The following PPP1R12A variants were observed in gnomAD, a reference collection of about 807,000 sequenced individuals.
PPP1R12A encodes myosin binding subunit.
PPP1R12A carries 19 observed loss-of-function variants against 139.6 expected under a neutral mutation model. The ratio of observed to expected loss-of-function variants is 0.14; its 90% CI spans 0.09 to 0.20. The LOEUF (loss-of-function observed/expected upper bound fraction) is 0.20. PPP1R12A is among the 10% of genes least tolerant of loss of function. PPP1R12A has a pLI of 1.00. For synonymous variants in PPP1R12A, 427 were observed against 420.6 expected, an observed-to-expected ratio of 1.02 and a Z score of -0.19; for missense variants, 925 against 1,211.5, an observed-to-expected ratio of 0.76 and a Z score of 3.51.
At chr12:79,923,626 T>A (rs976080695) in intron 1 of PPP1R12A, among the ~76,000 whole-genome samples, 3 of 152,268 alleles carry the variant, frequency 2.0e-5, no homozygotes, top group Non-Finnish European at 4.4e-5. Context: ...GATAACATTT[T>A]ATTTTTTACA....
intron 23 of PPP1R12A, chr12:79,780,312 A>C (rs1052650873): frequency 1.3e-5 from 2 of 152,140 alleles, no homozygotes; most frequent in Middle Eastern, 3.2e-3. Context: ...TATACAGAGA[A>C]TGATGAATAA....
chr12:79,861,506 G>T (rs948301212), intron 2 of PPP1R12A, among the ~76,000 whole-genome samples: 7 of 152,210 alleles, frequency 4.6e-5, no homozygotes, highest in South Asian at 2.1e-4. Flanking sequence ...GCAGGGCGGG[G>T]TGTTGCCTCA....
chr12:79,902,518 C>T (rs1178791545), intron 1 of PPP1R12A, among the ~76,000 whole-genome samples: 1 of 151,948 alleles, frequency 6.6e-6, no homozygotes, highest in Non-Finnish European at 1.5e-5. Context: ...ACCTCATAGA[C>T]AAGTTACCAG....
chr12:79,866,017 C>T (rs1345129523), intron 2 of PPP1R12A, among the ~76,000 whole-genome samples: 1 of 152,154 alleles, frequency 6.6e-6, no homozygotes, highest in Non-Finnish European at 1.5e-5. Context: ...CCAAGACAAT[C>T]CTGGGCAAGA....
intron 14 of PPP1R12A, among the ~76,000 whole-genome samples, chr12:79,799,780 C>T (rs1278992451): frequency 6.6e-6 from 1 of 152,000 alleles, no homozygotes; most frequent in Non-Finnish European, 1.5e-5. Flanking sequence ...AAGGCTGAAG[C>T]AGGCTGATTG....
chr12:79,917,556 C>T (rs1887100403), intron 1 of PPP1R12A, among the ~76,000 whole-genome samples: 1 of 150,010 alleles, frequency 6.7e-6, no homozygotes, highest in Non-Finnish European at 1.5e-5. Context: ...TGAAACAAAT[C>T]TGCTGATGCT....
chr12:79,890,734 T>C (rs1204508925), intron 1 of PPP1R12A, among the ~76,000 whole-genome samples: 3 of 152,030 alleles, frequency 2.0e-5, no homozygotes, highest in Non-Finnish European at 4.4e-5. Flanking sequence ...AAAACCGTTT[T>C]AAAAGAGAGC....
chr12:79,807,967 T>C (rs1565750851), intron 11 of PPP1R12A, among the ~76,000 whole-genome samples: 2 of 151,448 alleles, frequency 1.3e-5, no homozygotes, highest in Admixed American at 6.6e-5. Flanking sequence ...ACCTGAGAGG[T>C]GGAGGTTGCA....
rs1877044126 is a variant in PPP1R12A at position 79,828,442 on chromosome 12, C to T, written c.670G>A (p.Asp224Asn). The change falls in exon 5 of 25, where the codon GAT becomes AAT. Residue 224 changes from aspartate (D) to asparagine (N), a missense_variant. Asp to Asn is a conservative substitution (Grantham distance 23). This residue lies in a region of PPP1R12A where 199 missense variants were observed against 352.4 expected (regional missense o/e 0.56). Coordinates refer to ENST00000450142, the MANE Select transcript of PPP1R12A (RefSeq NM_002480.3). ...VLKLLIQAGY[D>N]VNIKDYDGWT... ...CCATCATAGTCTTTAATATTAACAT[C>T]ATAGCCTGCCTGTATTAAAAGTCTA... 6.2e-7 allele frequency: 1 copy of T among 1,604,838 alleles called. No individual in the cohort carries two copies. Among genetic ancestry groups the T allele is most frequent in the Non-Finnish European group, 8.5e-7 (1 of 1,173,880 alleles).
chr12:79,926,757 A>G (rs1887873036), intron 1 of PPP1R12A, among the ~76,000 whole-genome samples: 1 of 152,100 alleles, frequency 6.6e-6, no homozygotes, highest in East Asian at 1.9e-4. Flanking sequence ...AAAAAGAATC[A>G]AAGTCCCTAC....
intron 5 of PPP1R12A, among the ~76,000 whole-genome samples, chr12:79,826,845 T>C (rs1257522813): frequency 6.6e-6 from 1 of 152,206 alleles, no homozygotes; most frequent in Non-Finnish European, 1.5e-5. Context: ...TTTCAATTAA[T>C]AAGCTTCTCT....
chr12:79,821,903 TCATTTTGAGAAGG>T (rs1341294779), intron 6 of PPP1R12A, among the ~76,000 whole-genome samples, 200 bp downstream of exon 6: 2 of 152,164 alleles, frequency 1.3e-5, no homozygotes, highest in Non-Finnish European at 2.9e-5. Context: ...ATATGAGTAT[TCATTTTGAGAAGG>T]GGAGGAAATA....
intron 22 of PPP1R12A, 188 bp from the exon 23 acceptor site, chr12:79,782,050 A>G: frequency 2.6e-6 from 1 of 385,426 alleles, no homozygotes; most frequent in Non-Finnish European, 4.7e-6. Context: ...GTTTAGAAAT[A>G]GAATGGTAAC....
At chr12:79,890,812 T>C (rs986971376) in intron 1 of PPP1R12A, among the ~76,000 whole-genome samples, 2 of 151,538 alleles carry the variant, frequency 1.3e-5, no homozygotes, top group Non-Finnish European at 2.9e-5. Context: ...ATTTCTAATA[T>C]TAACTCTCTA....
chr12:79,867,083 A>G lies in PPP1R12A; in HGVS notation c.368+5725T>C, dbSNP rs551957854. Among the ~76,000 whole-genome samples the G allele has an allele frequency of 7.2e-5, 11 of 152,324 alleles. No homozygotes were observed. In the East Asian group the frequency reaches 9.6e-4, roughly 13 times the overall value. ...TTGCAACCAACCAAAATGCCCATCA[A>G]TGACAGACTGGGTTAAGCAAACGTG... On this transcript the variant is annotated intron_variant, in intron 2 of 24. Transcript: ENST00000450142.
intron 1 of PPP1R12A, among the ~76,000 whole-genome samples, chr12:79,924,779 T>C (rs185755850): frequency 9.6e-4 from 146 of 152,268 alleles, no homozygotes; most frequent in Non-Finnish European, 1.8e-3. Context: ...AAGACTATGT[T>C]CACAAACTAT....
At chr12:79,782,509 T>G (rs543755089) in intron 22 of PPP1R12A, 1 of 445,816 alleles carries the variant, frequency 2.2e-6, no homozygotes, top group African/African-American at 2.0e-5. Flanking sequence ...TCAAAGCTGA[T>G]GAAATCCTGA....
At chr12:79,863,052 T>G (rs949133474) in intron 2 of PPP1R12A, among the ~76,000 whole-genome samples, 2 of 152,114 alleles carry the variant, frequency 1.3e-5, no homozygotes, top group African/African-American at 4.8e-5. Flanking sequence ...GAAAAAATGT[T>G]AAGGGCAGCC....
At chr12:79,929,577 C>T (rs1402055680) in intron 1 of PPP1R12A, among the ~76,000 whole-genome samples, 1 of 151,918 alleles carries the variant, frequency 6.6e-6, no homozygotes, top group Non-Finnish European at 1.5e-5. Context: ...ATGAGCCTGG[C>T]CAACATGGTG....
Sources: gnomAD v4.1 joint callset for allele counts (sites outside exome capture counted in the v4.1 genomes callset) on GRCh38, gnomAD v4.1.1 for gene constraint, gnomAD v4.1.1 regional missense constraint, MANE v1.5 for transcripts, NCBI Gene and HGNC (gene_info 2026-07-23, HGNC 2026-07-21) for gene names.